MYRIP: variants seen among roughly 807,000 people sequenced by gnomAD.
MYRIP encodes rab effector MyRIP.
A neutral mutation model predicts 98.0 loss-of-function variants in MYRIP; 49 were observed. The ratio of observed to expected loss-of-function variants is 0.50; its 90% CI spans 0.40 to 0.63. The LOEUF is 0.63. Ranked by LOEUF, MYRIP falls within the 30% of genes least tolerant of loss-of-function variation. MYRIP has a pLI of 0.00. For missense variants in MYRIP, 1,004 were observed against 1,058.2 expected (o/e 0.95, Z 0.71); for synonymous variants, 404 against 409.5 (o/e 0.99, Z 0.16).
rs926479918 is a variant in MYRIP at position 40,141,135 on chromosome 3, T to C, written c.333-9913T>C. Among the ~76,000 whole-genome samples, 3 of 152,186 alleles carry C rather than the reference T, an allele frequency of 2.0e-5. 1 individual carries two copies. Among genetic ancestry groups the C allele is most frequent in the African/African-American group, 7.2e-5 (3 of 41,452 alleles). On this transcript the variant is annotated intron_variant, in intron 3 of 16. Coordinates refer to ENST00000302541, the MANE Select transcript of MYRIP (RefSeq NM_015460.4). ...CCATGAATTCAACTGTTTTGATTTTTAGGTCCCACAAATAAGTGAGAACAT... is the reference window on the plus strand; with the variant it reads ...CCATGAATTCAACTGTTTTGATTTTCAGGTCCCACAAATAAGTGAGAACAT...
At chr3:40,241,883 A>G (rs1057016286) in intron 12 of MYRIP, among the ~76,000 whole-genome samples, 1 of 152,240 alleles carries the variant, frequency 6.6e-6, no homozygotes, top group African/African-American at 2.4e-5. Flanking sequence ...CATTTTCATC[A>G]TATAGCATGT....
At chr3:39,812,570 C>A (rs573456492) in intron 1 of MYRIP, among the ~76,000 whole-genome samples, 2 of 152,110 alleles carry the variant, frequency 1.3e-5, no homozygotes, top group Admixed American at 6.5e-5. Context: ...TAAAGTAATG[C>A]AAACATGAAA....
At position 40,250,464 on chromosome 3, in the gene MYRIP, A is replaced by G; in HGVS notation, c.2393A>G (p.Gln798Arg). The G allele has an allele frequency of 6.2e-7, 1 of 1,614,238 alleles. No individual in the cohort carries two copies. Among genetic ancestry groups the G allele is most frequent in the African/African-American group, 1.3e-5 (1 of 75,066 alleles). The change falls in exon 15 of 17, where the codon CAG becomes CGG. Residue 798 changes from glutamine to arginine, a missense_variant. By Grantham distance (43) the Gln-to-Arg change is conservative. Transcript: ENST00000302541. ...GTACAAACCATAGATACATCAAGGC[A>G]GCAAAGGAGGAAACTGCCTGCTCCA... is the stretch of plus-strand genomic sequence containing the variant. ...TQVQTIDTSR[Q>R]QRRKLPAPPV...
At chr3:40,134,760 C>T (rs1339692342) in intron 3 of MYRIP, among the ~76,000 whole-genome samples, 1 of 152,216 alleles carries the variant, frequency 6.6e-6, no homozygotes, top group African/African-American at 2.4e-5. Flanking sequence ...GCTGCTGATA[C>T]CCAGGCAAAC....
chr3:39,948,290 A>G (rs1213449132), intron 2 of MYRIP, among the ~76,000 whole-genome samples: 2 of 152,136 alleles, frequency 1.3e-5, no homozygotes, highest in South Asian at 4.1e-4. Context: ...TTTTAAAGAG[A>G]AAGTTTTTAT....
chr3:39,859,225 G>C (rs1367206306), intron 1 of MYRIP, among the ~76,000 whole-genome samples: 2 of 151,650 alleles, frequency 1.3e-5, no homozygotes, highest in African/African-American at 4.8e-5. Context: ...AATTACAAAG[G>C]ATCATAAGAA....
intron 3 of MYRIP, among the ~76,000 whole-genome samples, chr3:40,129,571 G>C (rs537476432): frequency 6.6e-6 from 1 of 151,560 alleles, no homozygotes; most frequent in Non-Finnish European, 1.5e-5. Flanking sequence ...ATGTGAGTGT[G>C]GAGGTCTGAG....
intron 3 of MYRIP, among the ~76,000 whole-genome samples, chr3:40,084,280 GTATTATATATCGATAT>G (rs1948553412): frequency 1.7e-5 from 2 of 119,260 alleles, no homozygotes; most frequent in Non-Finnish European, 3.7e-5. Context: ...ACACATCTAT[GTATTATATATCGATAT>G]ATAATACACA....
intron 1 of MYRIP, among the ~76,000 whole-genome samples, chr3:39,880,763 TTTG>T (rs1943139130): frequency 1.3e-5 from 2 of 152,164 alleles, no homozygotes; most frequent in Non-Finnish European, 1.5e-5. Context: ...GGTAGCACAT[TTTG>T]TTGTTATTAT....
chr3:39,958,871 G>A (rs1945245129), intron 2 of MYRIP, among the ~76,000 whole-genome samples: 1 of 152,160 alleles, frequency 6.6e-6, no homozygotes, highest in African/African-American at 2.4e-5. Context: ...TGAAGTATAT[G>A]AACAAGACAC....
chr3:39,999,395 A>G (rs1028684283), intron 2 of MYRIP, among the ~76,000 whole-genome samples: 4 of 152,260 alleles, frequency 2.6e-5, no homozygotes, highest in African/African-American at 7.2e-5. Context: ...AAAAGAAGAC[A>G]TTTATGCAGC....
intron 1 of MYRIP, among the ~76,000 whole-genome samples, chr3:39,898,587 G>A (rs991811893): frequency 6.6e-6 from 1 of 152,064 alleles, no homozygotes; most frequent in Non-Finnish European, 1.5e-5. Context: ...TATTAAGGCA[G>A]GGACTCTGAG....
intron 10 of MYRIP, among the ~76,000 whole-genome samples, chr3:40,206,002 C>T (rs114297982): frequency 0.014 from 2,087 of 152,136 alleles, 42 homozygotes; most frequent in African/African-American, 0.046. Context: ...ATTTCTTAGC[C>T]GTTTGGAGGC....
chr3:39,972,425 G>T (rs1021299108), intron 2 of MYRIP, among the ~76,000 whole-genome samples: 1 of 151,988 alleles, frequency 6.6e-6, no homozygotes, highest in African/African-American at 2.4e-5. Context: ...TGATTTTAAA[G>T]TATCAGTGAC....
chr3:40,035,219 A>G (rs1157783715), intron 2 of MYRIP, among the ~76,000 whole-genome samples: 2 of 151,954 alleles, frequency 1.3e-5, no homozygotes, highest in Non-Finnish European at 2.9e-5. Flanking sequence ...AACTTAAAGT[A>G]TAATAATAAA....
intron 4 of MYRIP, among the ~76,000 whole-genome samples, chr3:40,159,857 A>G (rs909545170): frequency 9.9e-5 from 15 of 152,240 alleles, no homozygotes; most frequent in Admixed American, 5.9e-4. Context: ...AGCTCCTTTA[A>G]GCACTTCTCT....
chr3:39,959,360 C>A (rs903784164), intron 2 of MYRIP, among the ~76,000 whole-genome samples: 1 of 152,114 alleles, frequency 6.6e-6, no homozygotes, highest in African/African-American at 2.4e-5. Context: ...AGGATGAGTT[C>A]ATGTCCTTTG....
intron 3 of MYRIP, among the ~76,000 whole-genome samples, chr3:40,127,525 G>A (rs79561498): frequency 0.013 from 1,979 of 152,316 alleles, 33 homozygotes; most frequent in African/African-American, 0.042. Context: ...ATGAAATGAA[G>A]GCCACTTGCT....
chr3:40,171,132 T>C (rs1950603167), intron 8 of MYRIP, among the ~76,000 whole-genome samples: 1 of 152,006 alleles, frequency 6.6e-6, no homozygotes, highest in Non-Finnish European at 1.5e-5. Flanking sequence ...GCTGCTGTCA[T>C]GCATATGCTC....
Sources: allele counts gnomAD v4.1 joint callset (sites outside exome capture counted in the v4.1 genomes callset), GRCh38; gene constraint gnomAD v4.1.1; transcripts MANE v1.5; gene names NCBI Gene and HGNC (gene_info 2026-07-23, HGNC 2026-07-21).